AGAP1: variants seen among roughly 807,000 people sequenced by gnomAD.
The protein encoded by AGAP1 is ArfGAP with GTPase domain, ankyrin repeat and PH domain 1, also known as arf-GAP with GTPase, ANK repeat and PH domain-containing protein 1.
In AGAP1, 29 loss-of-function variants were observed where a neutral mutation model predicts 105.3. The ratio of observed to expected loss-of-function variants is 0.28; its 90% CI spans 0.21 to 0.38. The LOEUF is 0.38. Ranked by LOEUF, AGAP1 falls within the 10% of genes least tolerant of loss-of-function variation. The pLI is 1.00. For synonymous variants in AGAP1, 509 were observed against 485.9 expected (o/e 1.05, Z -0.63); for missense variants, 998 against 1,165.1 (o/e 0.86, Z 2.09).
chr2:235,634,513 G>A (rs922528611), intron 1 of AGAP1, among the ~76,000 whole-genome samples: 2 of 152,172 alleles, frequency 1.3e-5, no homozygotes, highest in Non-Finnish European at 2.9e-5. Flanking sequence ...GTGTCAAAAT[G>A]GAGTCTCTCA....
At chr2:235,984,933 A>G (rs2055248488) in intron 13 of AGAP1, among the ~76,000 whole-genome samples, 1 of 152,180 alleles carries the variant, frequency 6.6e-6, no homozygotes, top group Non-Finnish European at 1.5e-5. Flanking sequence ...GTGTTTTTAT[A>G]GCAGAATGAT....
At position 236,053,484 on chromosome 2, in the gene AGAP1, C is replaced by T. The variant is rs1431658178; in HGVS notation, c.2114+4203C>T. 3.9e-5 allele frequency among the ~76,000 whole-genome samples: 6 copies of T among 152,222 alleles called. No homozygotes were observed. The highest frequency in any genetic ancestry group is 1.2e-4 in the African/African-American group (5 of 41,472). On this transcript the variant is annotated intron_variant, in intron 16 of 17. Coordinates refer to ENST00000304032, the MANE Select transcript of AGAP1 (RefSeq NM_001037131.3). This position sits in a 1 kb window ranked among gnomAD's most constrained non-coding sequence, Gnocchi z 4.6. Reference sequence around the variant, plus strand: ...GGGGCTGCACGGCAGCGCCCTGGCCCGTTGTTCTTTATTGTTGTCCCCATT... The same window carrying T: ...GGGGCTGCACGGCAGCGCCCTGGCCTGTTGTTCTTTATTGTTGTCCCCATT...
rs1485316436 is a variant in AGAP1, at chr2:235,655,614, C to T, written c.164-53565C>T. ...TGAGTTAGTAGCTGTGAAAACGTTT[C>T]TCTAGCAAGGCTGCCTGTGAGTGGG... On this transcript the variant is annotated intron_variant, in intron 1 of 17. Coordinates refer to ENST00000304032, the MANE Select transcript of AGAP1 (RefSeq NM_001037131.3). The surrounding 1 kb of genome is among the most constrained non-coding windows in gnomAD (Gnocchi z 4.3). Among the ~76,000 whole-genome samples, 1 of 152,196 alleles carries T rather than the reference C, an allele frequency of 6.6e-6. No individual in the cohort carries two copies. Among genetic ancestry groups the T allele is most frequent in the African/African-American group, 2.4e-5 (1 of 41,452 alleles).
chr2:235,997,910 G>A (rs1166160642), intron 13 of AGAP1, among the ~76,000 whole-genome samples: 3 of 152,000 alleles, frequency 2.0e-5, no homozygotes, highest in Non-Finnish European at 2.9e-5. Flanking sequence ...GTAGCATTTC[G>A]GGGTCTCGGA....
At chr2:235,907,186 A>G (rs1326944791) in intron 10 of AGAP1, among the ~76,000 whole-genome samples, 1 of 152,226 alleles carries the variant, frequency 6.6e-6, no homozygotes, top group Non-Finnish European at 1.5e-5. Flanking sequence ...TAGTGATTCT[A>G]GAACTTGATC....
chr2:235,925,342 G>A (rs1012950097), intron 11 of AGAP1, among the ~76,000 whole-genome samples: 4 of 151,984 alleles, frequency 2.6e-5, no homozygotes, highest in Admixed American at 6.6e-5. Context: ...ACATCTAAAC[G>A]ACCCCAGCTT....
At chr2:236,029,182 AG>A (rs1489907818) in intron 13 of AGAP1, among the ~76,000 whole-genome samples, 1 of 132,812 alleles carries the variant, frequency 7.5e-6, no homozygotes, top group African/African-American at 3.2e-5. Flanking sequence ...GTTTTTATTT[AG>A]TTTTTTTTTT....
chr2:235,628,675 A>G (rs1406465813), intron 1 of AGAP1, among the ~76,000 whole-genome samples: 1 of 151,934 alleles, frequency 6.6e-6, no homozygotes, highest in Non-Finnish European at 1.5e-5. Flanking sequence ...GGTTACATGA[A>G]TAAGTTCTTT....
rs376394033 is a variant in AGAP1 at position 235,826,178 on chromosome 2, G to A, written c.1050+18847G>A. 1.8e-4 allele frequency among the ~76,000 whole-genome samples: 27 copies of A among 152,312 alleles called. 1 individual carries two copies. The East Asian group carries it at 4.2e-3, about 24-fold the overall frequency. On this transcript the variant is annotated intron_variant, in intron 9 of 17. Coordinates refer to ENST00000304032, the MANE Select transcript of AGAP1 (RefSeq NM_001037131.3). ...GAACACACCGTTTGCTTACTGGATGGCAGAGCGTTGGCATGCTCTTTATCC... is the reference window on the plus strand; with the variant it reads ...GAACACACCGTTTGCTTACTGGATGACAGAGCGTTGGCATGCTCTTTATCC...
intron 12 of AGAP1, among the ~76,000 whole-genome samples, chr2:235,940,842 C>T (rs565886005): frequency 1.3e-5 from 2 of 152,156 alleles, no homozygotes; most frequent in Non-Finnish European, 2.9e-5. Context: ...ACTTTCTTGA[C>T]TACCTGGAGC....
At chr2:235,581,134 C>CAAAAA (rs60330965) in intron 1 of AGAP1, among the ~76,000 whole-genome samples, 28 of 88,144 alleles carry the variant, frequency 3.2e-4, no homozygotes, top group Non-Finnish European at 4.4e-4. Flanking sequence ...CCATCTCAAG[C>CAAAAA]AAAAAAAAAA....
chr2:236,023,709 G>A (rs556975411), intron 13 of AGAP1, among the ~76,000 whole-genome samples: 11 of 152,206 alleles, frequency 7.2e-5, no homozygotes, highest in Admixed American at 5.9e-4. Context: ...AAACATGCCC[G>A]TCCCCCAGGC....
Position 236,078,516 on chromosome 2 carries a change from C to G in AGAP1, c.2114+29235C>G, listed in dbSNP as rs902568540. Among the ~76,000 whole-genome samples, 2 of 152,184 alleles carry G rather than the reference C, an allele frequency of 1.3e-5. No individual in the cohort carries two copies. Among genetic ancestry groups the G allele is most frequent in the Non-Finnish European group, 2.9e-5 (2 of 68,032 alleles). ...TATGACTTTAATTGCCTGGAGAATT[C>G]CTTCCCAGCAAAAGCCGCACGCTGC... On this transcript the variant is annotated intron_variant, in intron 16 of 17. Transcript: ENST00000304032. This position sits in a 1 kb window ranked among gnomAD's most constrained non-coding sequence, Gnocchi z 5.3.
Position 236,027,531 on chromosome 2 carries a change from C to T in AGAP1, c.1646-9030C>T, listed in dbSNP as rs774734589. 6.6e-6 allele frequency among the ~76,000 whole-genome samples: 1 copy of T among 152,144 alleles called. No individual in the cohort carries two copies. Among genetic ancestry groups the T allele is most frequent in the Non-Finnish European group, 1.5e-5 (1 of 68,030 alleles). ...CGCCTCTGCCCTGCCTCCCCCAGGG[C>T]AGACTGAGCCTCTCCCCTCCAGGTG... On this transcript the variant is annotated intron_variant, in intron 13 of 17. Transcript: ENST00000304032. The surrounding 1 kb of genome is among the most constrained non-coding windows in gnomAD (Gnocchi z 4.4).
rs2058232680 is a variant in AGAP1 at position 236,062,616 on chromosome 2, C to T, written c.2114+13335C>T. On this transcript the variant is annotated intron_variant, in intron 16 of 17. Transcript: ENST00000304032. This position sits in a 1 kb window ranked among gnomAD's most constrained non-coding sequence, Gnocchi z 4.2. Reference sequence around the variant, plus strand: ...TCAGCCTCCCAAGTAGCTGGGACTACAGCCACATGCCTCCACACTCAGCTA... The same window carrying T: ...TCAGCCTCCCAAGTAGCTGGGACTATAGCCACATGCCTCCACACTCAGCTA... 6.6e-6 allele frequency among the ~76,000 whole-genome samples: 1 copy of T among 152,110 alleles called. No individual in the cohort carries two copies. The highest frequency in any genetic ancestry group is 2.4e-5 in the African/African-American group (1 of 41,430).
In AGAP1 at chr2:235,741,137, T is replaced by A; in HGVS notation, c.396+89T>A. 8.5e-7 allele frequency: 1 copy of A among 1,175,996 alleles called. No individual in the cohort carries two copies. The highest frequency in any genetic ancestry group is 1.1e-6 in the Non-Finnish European group (1 of 870,042). 72.8% of individuals were successfully genotyped at this position (1,175,996 alleles called of 1,614,324 possible). On this transcript the variant is annotated intron_variant, in intron 4 of 17. Coordinates refer to ENST00000304032, the MANE Select transcript of AGAP1 (RefSeq NM_001037131.3). The surrounding 1 kb of genome is among the most constrained non-coding windows in gnomAD (Gnocchi z 4.9). ...GAAGTGCTTCTAGAAATCGGTGACTTGGTTTCCAAAAAAGTGGAAACCCCA... is the reference window on the plus strand; with the variant it reads ...GAAGTGCTTCTAGAAATCGGTGACTAGGTTTCCAAAAAAGTGGAAACCCCA...
In AGAP1 at chr2:235,503,512, C is replaced by T. The variant is rs148779885; in HGVS notation, c.163+8663C>T. ...CAATCAAGCCTGGGTCTCTGAGTGT[C>T]CATGTAGTACTTGAAGTTTGGGTTT... On this transcript the variant is annotated intron_variant, in intron 1 of 17. Coordinates refer to ENST00000304032, the MANE Select transcript of AGAP1 (RefSeq NM_001037131.3). Among the ~76,000 whole-genome samples the T allele has an allele frequency of 2.3e-3, 355 of 152,234 alleles. 1 individual carries two copies. Among genetic ancestry groups the T allele is most frequent in the African/African-American group, 8.1e-3 (338 of 41,534 alleles).
rs1024031659 is a variant in AGAP1, at chr2:236,119,413, C to T, written c.2115-779C>T. On this transcript the variant is annotated intron_variant, in intron 16 of 17. Transcript: ENST00000304032. The surrounding 1 kb of genome is among the most constrained non-coding windows in gnomAD (Gnocchi z 6.6). Reference sequence around the variant, plus strand: ...GCTGCATCTCCCTGCTAAACCTCCTCATTGGAGTCTCCACCCTCTCCTGCG... The same window carrying T: ...GCTGCATCTCCCTGCTAAACCTCCTTATTGGAGTCTCCACCCTCTCCTGCG... 6.6e-6 allele frequency among the ~76,000 whole-genome samples: 1 copy of T among 152,220 alleles called. No individual in the cohort carries two copies. Among genetic ancestry groups the T allele is most frequent in the African/African-American group, 2.4e-5 (1 of 41,456 alleles).
At chr2:235,742,838 G>A (rs578118416) in intron 4 of AGAP1, among the ~76,000 whole-genome samples, 2 of 152,320 alleles carry the variant, frequency 1.3e-5, no homozygotes, top group African/African-American at 4.8e-5. Context: ...AGTCTTACCA[G>A]TATATGAAGC....
Sources: allele counts gnomAD v4.1 joint callset (sites outside exome capture counted in the v4.1 genomes callset), GRCh38; gene constraint gnomAD v4.1.1; non-coding constraint Gnocchi (gnomAD v3.1); transcripts MANE v1.5; gene names NCBI Gene and HGNC (gene_info 2026-07-23, HGNC 2026-07-21).